The following KIAA1217 variants were observed in gnomAD, a reference collection of about 807,000 sequenced individuals.
KIAA1217 encodes sickle tail protein homolog.
A neutral mutation model predicts 163.9 loss-of-function variants in KIAA1217; 88 were observed. That is an observed-to-expected ratio of 0.54 (90% confidence interval 0.45 to 0.64). The LOEUF (loss-of-function observed/expected upper bound fraction) is 0.64, where lower values mean the gene tolerates loss of function less well. KIAA1217 is among the 30% of genes least tolerant of loss of function. The pLI is 0.00. For missense variants in KIAA1217, 2,372 were observed against 2,475.0 expected, an observed-to-expected ratio of 0.96 and a Z score of 0.88; for synonymous variants, 903 against 923.1, an observed-to-expected ratio of 0.98 and a Z score of 0.39.
At chr10:23,945,934 A>T (rs1053345721) in intron 1 of KIAA1217, among the ~76,000 whole-genome samples, 93 of 152,114 alleles carry the variant, frequency 6.1e-4, no homozygotes, top group African/African-American at 2.1e-3. Context: ...CTCCTAGGTC[A>T]CTTTAAAGCC....
intron 1 of KIAA1217, among the ~76,000 whole-genome samples, chr10:23,801,812 A>T (rs1836480839): frequency 6.6e-6 from 1 of 152,206 alleles, no homozygotes; most frequent in African/African-American, 2.4e-5. Flanking sequence ...AAACTCAGGC[A>T]TGGGTTCAGC....
At chr10:24,074,353 AAAC>A (rs372862319) in intron 2 of KIAA1217, among the ~76,000 whole-genome samples, 4 of 152,026 alleles carry the variant, frequency 2.6e-5, no homozygotes, top group East Asian at 1.9e-4. Context: ...ACTCTGTCTC[AAAC>A]AACAACAACA....
intron 17 of KIAA1217, 126 bp downstream of exon 17, chr10:24,537,019 A>G: frequency 9.1e-7 from 1 of 1,095,246 alleles, no homozygotes; most frequent in Non-Finnish European, 1.3e-6. Flanking sequence ...TTTTTAACTA[A>G]TGGAGACACA....
At chr10:24,284,813 C>T (rs777330381) in intron 2 of KIAA1217, among the ~76,000 whole-genome samples, 63 of 152,266 alleles carry the variant, frequency 4.1e-4, no homozygotes, top group Admixed American at 3.3e-3. Flanking sequence ...ATGAAATCTC[C>T]AAACTGCTTT....
chr10:24,020,167 T>C (rs998243272), intron 2 of KIAA1217, among the ~76,000 whole-genome samples: 1 of 152,128 alleles, frequency 6.6e-6, no homozygotes, highest in Non-Finnish European at 1.5e-5. Flanking sequence ...GAAAAACTTC[T>C]AGAGCGTTGG....
intron 2 of KIAA1217, among the ~76,000 whole-genome samples, chr10:24,241,755 T>G (rs1468888352): frequency 6.6e-6 from 1 of 152,212 alleles, no homozygotes; most frequent in Non-Finnish European, 1.5e-5. Flanking sequence ...ACAAATATGT[T>G]TTTCATTGTG....
intron 3 of KIAA1217, among the ~76,000 whole-genome samples, chr10:24,406,992 A>G (rs1297376861): frequency 6.6e-6 from 1 of 152,206 alleles, no homozygotes; most frequent in Non-Finnish European, 1.5e-5. Context: ...AGAGCCTTCT[A>G]TAAAAACATC....
Position 24,317,818 on chromosome 10 carries a change from T to C in KIAA1217, c.355-63051T>C, listed in dbSNP as rs367670998. 7.2e-5 allele frequency among the ~76,000 whole-genome samples: 11 copies of C among 152,298 alleles called. No individual in the cohort carries two copies. In the East Asian group the frequency reaches 1.3e-3, roughly 19 times the overall value. On this transcript the variant is annotated intron_variant, in intron 2 of 20. Coordinates refer to ENST00000376454, the MANE Select transcript of KIAA1217 (RefSeq NM_019590.5). The stretch of plus-strand genomic sequence containing the variant: ...TAAAGCCCAAACAACTTAGTAATTA[T>C]TTATGACCTAACAATTTAGTGGCCA...
intron 5 of KIAA1217, among the ~76,000 whole-genome samples, chr10:24,463,635 T>C (rs2132675186): frequency 6.6e-6 from 1 of 152,362 alleles, no homozygotes; most frequent in Admixed American, 6.5e-5. Context: ...AGATTTTCTT[T>C]GAGCAAATGT....
At chr10:23,698,216 G>A (rs1836176197) in intron 1 of KIAA1217, among the ~76,000 whole-genome samples, 1 of 152,172 alleles carries the variant, frequency 6.6e-6, no homozygotes, top group African/African-American at 2.4e-5. Flanking sequence ...GAAGCAATTT[G>A]TAATTTGTGA....
intron 1 of KIAA1217, among the ~76,000 whole-genome samples, chr10:23,853,541 G>A (rs748341528): frequency 6.6e-6 from 1 of 152,134 alleles, no homozygotes; most frequent in Non-Finnish European, 1.5e-5. Flanking sequence ...AATGAGTTAG[G>A]GAGTATTCCC....
At chr10:23,773,318 C>T (rs1385481728) in intron 1 of KIAA1217, among the ~76,000 whole-genome samples, 1 of 151,728 alleles carries the variant, frequency 6.6e-6, no homozygotes, top group Non-Finnish European at 1.5e-5. Flanking sequence ...TTCCATTGAT[C>T]TATATCTCTG....
intron 1 of KIAA1217, among the ~76,000 whole-genome samples, chr10:23,907,320 A>G (rs969124458): frequency 5.0e-5 from 7 of 139,702 alleles, no homozygotes; most frequent in Non-Finnish European, 9.2e-5. Context: ...GTGTGTGTGT[A>G]TGAGAGAGAG....
intron 2 of KIAA1217, among the ~76,000 whole-genome samples, chr10:24,330,755 C>T (rs372848682): frequency 1.3e-5 from 2 of 151,420 alleles, no homozygotes; most frequent in South Asian, 2.1e-4. Flanking sequence ...GCTGGGACTA[C>T]AGGTGCATGC....
chr10:24,090,059 G>GTCTT (rs1417196086), intron 2 of KIAA1217, among the ~76,000 whole-genome samples: 1 of 151,396 alleles, frequency 6.6e-6, no homozygotes, highest in Non-Finnish European at 1.5e-5. Context: ...CACTCTGATT[G>GTCTT]TCTTTCTTGC....
chr10:24,250,621 T>TTTTTTTAG, intron 2 of KIAA1217, among the ~76,000 whole-genome samples: 1 of 50,730 alleles, frequency 2.0e-5, no homozygotes, highest in Non-Finnish European at 3.3e-5. Context: ...TTTGTATTGT[T>TTTTTTTAG]AATAGAGACG....
intron 1 of KIAA1217, among the ~76,000 whole-genome samples, chr10:23,846,303 AT>A (rs1335594368): frequency 1.3e-5 from 2 of 152,178 alleles, no homozygotes; most frequent in Non-Finnish European, 2.9e-5. Context: ...ATAGCATTGA[AT>A]CTATAAATTA....
chr10:23,979,030 T>C (rs1264540968), intron 1 of KIAA1217, among the ~76,000 whole-genome samples: 1 of 152,180 alleles, frequency 6.6e-6, no homozygotes, highest in East Asian at 1.9e-4. Context: ...CATGTTCCCA[T>C]GAGCCTTACC....
intron 2 of KIAA1217, among the ~76,000 whole-genome samples, chr10:24,117,497 G>A (rs1252723292): frequency 2.0e-5 from 3 of 152,066 alleles, no homozygotes; most frequent in Non-Finnish European, 4.4e-5. Context: ...TGGGTGTGGT[G>A]AGTGTGCCTG....
Sources: gnomAD v4.1 joint callset for allele counts (sites outside exome capture counted in the v4.1 genomes callset) on GRCh38, gnomAD v4.1.1 for gene constraint, MANE v1.5 for transcripts, NCBI Gene and HGNC (gene_info 2026-07-23, HGNC 2026-07-21) for gene names.